BROX: variants seen among roughly 807,000 people sequenced by gnomAD.
BROX encodes the protein BRO1 domain-containing protein BROX.
In BROX, 53 loss-of-function variants were observed where a neutral mutation model predicts 61.0. That is an observed-to-expected ratio of 0.87 (90% CI 0.70 to 1.09). The LOEUF is 1.09. BROX is among the 50% of genes least tolerant of loss of function. BROX has a pLI of 0.00. For synonymous variants in BROX, 152 were observed against 160.2 expected (o/e 0.95, Z 0.38); for missense variants, 489 against 472.0 (o/e 1.04, Z -0.33).
chr1:222,713,231 C>T, intron 1 of BROX: 4 of 986,378 alleles, frequency 4.1e-6, no homozygotes, highest in Non-Finnish European at 4.8e-6. Flanking sequence ...CGGCCGTTGT[C>T]TGGCCACCTC....
chr1:222,728,277 A>T (rs1265534948), intron 8 of BROX, among the ~76,000 whole-genome samples: 2 of 152,156 alleles, frequency 1.3e-5, no homozygotes, highest in African/African-American at 4.8e-5. Flanking sequence ...ATAGGAAAAA[A>T]TAGATTTGAG....
At position 222,728,819 on chromosome 1, in the gene BROX, C is replaced by A; in HGVS notation, c.747C>A (p.Tyr249Ter). The stretch of plus-strand genomic sequence containing the variant: ...ATCTTCACTTGAAGATGTGTTTCTA[C>A]ACAGCTTATGTAAGTATTCACAACG... ...RKYLHLKMCF[Y>*]TAYAYCYHGE... The change falls in exon 9 of 13, where the codon TAC (tyrosine) becomes TAA (stop). Residue 249 changes from tyrosine (Y) to a stop codon, truncating the protein, a stop_gained. Coordinates refer to ENST00000340934, the MANE Select transcript of BROX (RefSeq NM_144695.4). LOFTEE classifies it high-confidence loss of function. 1 of 1,594,606 alleles carries A rather than the reference C, an allele frequency of 6.3e-7. No individual in the cohort carries two copies. Among genetic ancestry groups the A allele is most frequent in the Non-Finnish European group, 8.6e-7 (1 of 1,165,638 alleles).
At chr1:222,727,936 G>A (rs1455240048) in intron 8 of BROX, among the ~76,000 whole-genome samples, 2 of 152,150 alleles carry the variant, frequency 1.3e-5, no homozygotes, top group African/African-American at 2.4e-5. Context: ...TCTATAGTAA[G>A]TACAGACATA....
At chr1:222,721,051 A>G (rs1444487150) in intron 4 of BROX, among the ~76,000 whole-genome samples, 2 of 152,204 alleles carry the variant, frequency 1.3e-5, no homozygotes, top group African/African-American at 4.8e-5. Context: ...ATGTGGTGTC[A>G]TAGAAATGGA....
In BROX at chr1:222,733,646, G is replaced by A. The variant is rs1658111097; in HGVS notation, c.*932G>A. The A allele has an allele frequency of 6.6e-6, 1 of 152,080 alleles. No individual in the cohort carries two copies. The highest frequency in any genetic ancestry group is 2.1e-4 in the South Asian group (1 of 4,832). 9.4% of individuals were successfully genotyped at this position (152,080 alleles called of 1,614,324 possible). The stretch of plus-strand genomic sequence containing the variant: ...ATTTACTCAAAAATCAGCTTTTATA[G>A]GTATGTTGGCACCTTATCCAAGAAC... On this transcript the variant is annotated 3_prime_UTR_variant, in exon 13 of 13. Transcript: ENST00000340934.
chr1:222,729,490 G>A, intron 9 of BROX, 130 bp from the exon 10 acceptor site: 1 of 564,610 alleles, frequency 1.8e-6, no homozygotes, highest in Non-Finnish European at 3.0e-6. Flanking sequence ...TTGGGGAAGA[G>A]CTAAAATGTA....
At chr1:222,717,461 T>G (rs1009720626) in intron 2 of BROX, among the ~76,000 whole-genome samples, 3 of 152,216 alleles carry the variant, frequency 2.0e-5, no homozygotes, top group African/African-American at 7.2e-5. Flanking sequence ...CTTTACAAGT[T>G]GAGCTGTAGG....
intron 1 of BROX, chr1:222,715,035 C>T (rs1438392795): frequency 2.6e-5 from 4 of 152,200 alleles, no homozygotes; most frequent in African/African-American, 7.2e-5. Flanking sequence ...GGAAATACAG[C>T]AGTTAACTTA....
At position 222,722,514 on chromosome 1, in the gene BROX, AG is replaced by A; in HGVS notation, c.401+1del. ...GCTTCAAGACTGGCTGGAAAAGAAA[AG>A]TAAGTTAATAGGAGAGGATTGTGTA... is the stretch of plus-strand genomic sequence containing the variant. On this transcript the variant is annotated splice_donor_variant, in intron 5 of 12. Transcript: ENST00000340934. LOFTEE classifies it high-confidence loss of function. 1 of 1,593,704 alleles carries A rather than the reference AG, an allele frequency of 6.3e-7. No homozygotes were observed. Among genetic ancestry groups the A allele is most frequent in the Non-Finnish European group, 8.6e-7 (1 of 1,161,772 alleles).
intron 2 of BROX, among the ~76,000 whole-genome samples, 159 bp downstream of exon 2, chr1:222,715,959 G>A (rs531975089): frequency 3.3e-5 from 5 of 152,204 alleles, no homozygotes; most frequent in East Asian, 1.9e-4. Flanking sequence ...AGTCTTCTAC[G>A]CCTGGATCCT....
chr1:222,728,695 A>T, intron 8 of BROX, 48 bp from the exon 9 acceptor site: 1 of 1,257,700 alleles, frequency 8.0e-7, no homozygotes, highest in Non-Finnish European at 1.1e-6. Context: ...AAAGTCTTCT[A>T]GTGAATCAGG....
Position 222,715,689 on chromosome 1 carries a change from A to T in BROX, c.-11A>T. Reference sequence around the variant, plus strand: ...TTTTACTTTTTTGTCTATAGAAAACATCTGGAGAAAATGACCCATTGGTTT... The same window carrying T: ...TTTTACTTTTTTGTCTATAGAAAACTTCTGGAGAAAATGACCCATTGGTTT... On this transcript the variant is annotated 5_prime_UTR_variant, in exon 2 of 13. Coordinates refer to ENST00000340934, the MANE Select transcript of BROX (RefSeq NM_144695.4). The T allele has an allele frequency of 2.7e-6, 4 of 1,458,946 alleles. No homozygotes were observed. Among genetic ancestry groups the T allele is most frequent in the East Asian group, 2.5e-5 (1 of 40,274 alleles). 90.4% of individuals were successfully genotyped at this position (1,458,946 alleles called of 1,614,324 possible). A position where few individuals can be genotyped will look rare whatever the true frequency, so the allele number is the denominator to read the frequency against.
chr1:222,732,815 A>G lies in BROX; in HGVS notation c.*101A>G. The G allele has an allele frequency of 1.1e-6, 1 of 935,910 alleles. No homozygotes were observed. 58.0% of individuals were successfully genotyped at this position (935,910 alleles called of 1,614,324 possible). A position where few individuals can be genotyped will look rare whatever the true frequency, so the allele number is the denominator to read the frequency against. ...TGATTTCTCTGAAGCTTGTAGAATAACTATTATATTCAGAGGGTTATCTGC... is the reference window on the plus strand; with the variant it reads ...TGATTTCTCTGAAGCTTGTAGAATAGCTATTATATTCAGAGGGTTATCTGC... On this transcript the variant is annotated 3_prime_UTR_variant, in exon 13 of 13. Transcript: ENST00000340934.
rs1036578610 is a variant in BROX, at chr1:222,735,150, CTTTT to C, written c.*2438_*2441del. On this transcript the variant is annotated 3_prime_UTR_variant, in exon 13 of 13. Transcript: ENST00000340934. The stretch of plus-strand genomic sequence containing the variant: ...CAACTAAAAGTGTATAATGGGTTGT[CTTTT>C]TATTTATGAAAATAAAAGTAATTTT... 2.0e-5 allele frequency: 3 copies of C among 152,182 alleles called. No homozygotes were observed. The South Asian group carries it at 6.2e-4, about 31-fold the overall frequency. 9.4% of individuals were successfully genotyped at this position (152,182 alleles called of 1,614,324 possible).
intron 8 of BROX, among the ~76,000 whole-genome samples, chr1:222,728,031 GCATGCTTGGAAT>G (rs1657635373): frequency 6.6e-6 from 1 of 152,126 alleles, no homozygotes; most frequent in East Asian, 1.9e-4. Context: ...GAAAAAGTAT[GCATGCTTGGAAT>G]CAAACACTGG....
chr1:222,729,921 A>T, intron 10 of BROX, 106 bp from the exon 11 acceptor site: 1 of 1,112,280 alleles, frequency 9.0e-7, no homozygotes, highest in Non-Finnish European at 1.3e-6. Flanking sequence ...CTATTATATT[A>T]GGTAAAGAGC....
chr1:222,729,729 C>A (rs758943745), intron 10 of BROX, 28 bp downstream of exon 10: 1 of 1,581,922 alleles, frequency 6.3e-7, no homozygotes, highest in East Asian at 2.2e-5. Flanking sequence ...AATATTAACT[C>A]CCCTTTAAAA....
intron 1 of BROX, chr1:222,713,395 A>G: frequency 2.0e-6 from 2 of 984,924 alleles, no homozygotes; most frequent in Non-Finnish European, 2.4e-6. Flanking sequence ...GTGGGCGCTC[A>G]GAGCTCGGGG....
chr1:222,720,144 TCTG>T (rs1176736340), intron 4 of BROX, among the ~76,000 whole-genome samples: 27 of 152,364 alleles, frequency 1.8e-4, no homozygotes, highest in Admixed American at 7.2e-4. Context: ...TGCATGAACA[TCTG>T]CTTCTTCAAC....
Sources: allele counts gnomAD v4.1 joint callset (sites outside exome capture counted in the v4.1 genomes callset), GRCh38; gene constraint gnomAD v4.1.1; transcripts MANE v1.5; gene names NCBI Gene and HGNC (gene_info 2026-07-23, HGNC 2026-07-21).